The following ALOX15 variants were observed in gnomAD, a reference collection of about 807,000 sequenced individuals.
The protein encoded by ALOX15 is arachidonate 15-lipoxygenase, also known as polyunsaturated fatty acid lipoxygenase ALOX15.
In ALOX15, 68 loss-of-function variants were observed where a neutral mutation model predicts 71.7. The observed-to-expected ratio is 0.95, with a 90% CI of 0.78 to 1.16. The LOEUF (loss-of-function observed/expected upper bound fraction) is 1.16. ALOX15 is among the 50% of genes most tolerant of loss of function. The pLI, the probability that ALOX15 is intolerant of heterozygous loss-of-function variation, is 0.00. For synonymous variants in ALOX15, 346 were observed against 333.3 expected, an observed-to-expected ratio of 1.04 and a Z score of -0.42; for missense variants, 798 against 818.8, an observed-to-expected ratio of 0.97 and a Z score of 0.31.
intron 7 of ALOX15, 144 bp downstream of exon 7, chr17:4,636,971 T>C: frequency 2.0e-6 from 2 of 1,014,972 alleles, no homozygotes; most frequent in Non-Finnish European, 2.9e-6. Context: ...GGCCTTCGAA[T>C]AGAGACTTGG....
chr17:4,633,452 T>A lies in ALOX15; in HGVS notation c.1210A>T (p.Arg404Trp). 1 of 1,614,168 alleles carries A rather than the reference T, an allele frequency of 6.2e-7. No individual in the cohort carries two copies. The highest frequency in any genetic ancestry group is 1.1e-5 in the South Asian group (1 of 91,082). ...CCCATGTCAGAGACCAGCCCAGTCC[T>A]GGCCCGGACGTTAATTTCCAGGGTG... ...RYTLEINVRA[R>W]TGLVSDMGIF... The change falls in exon 9 of 14, where the codon AGG becomes TGG. Residue 404 changes from arginine to tryptophan, a missense_variant. Arg to Trp is a moderately radical substitution (Grantham distance 101). Coordinates refer to ENST00000293761, the MANE Select transcript of ALOX15 (RefSeq NM_001140.5).
intron 1 of ALOX15, among the ~76,000 whole-genome samples, chr17:4,641,171 A>G (rs11568077): frequency 0.025 from 3,816 of 151,396 alleles, 193 homozygotes; most frequent in African/African-American, 0.087. Flanking sequence ...CAACAGCGCT[A>G]GCGGTTGAAA....
At chr17:4,640,208 G>C (rs1479283741) in intron 1 of ALOX15, among the ~76,000 whole-genome samples, 1 of 130,232 alleles carries the variant, frequency 7.7e-6, no homozygotes, top group Non-Finnish European at 1.6e-5. Context: ...GGCTCTCGAA[G>C]GTGGCGCCAG....
chr17:4,641,030 C>T (rs1309471931), intron 1 of ALOX15, among the ~76,000 whole-genome samples: 1 of 150,668 alleles, frequency 6.6e-6, no homozygotes, highest in African/African-American at 2.4e-5. Flanking sequence ...GTAGAACACC[C>T]GGTAGATGTG....
Position 4,639,429 on chromosome 17 carries a change from C to T in ALOX15, c.337+1G>A. On this transcript the variant is annotated splice_donor_variant, in intron 2 of 13. Transcript: ENST00000293761. LOFTEE classifies it high-confidence loss of function. ...CCTGACACCCTCAGCCCCGCGCTTA[C>T]CGGTGCCTTCAGGCAGGCTCAGGAC... 6.2e-7 allele frequency: 1 copy of T among 1,613,430 alleles called. No homozygotes were observed.
At chr17:4,635,700 C>T (rs778250498) in intron 8 of ALOX15, 59 bp downstream of exon 8, 9 of 1,563,430 alleles carry the variant, frequency 5.8e-6, no homozygotes, top group South Asian at 3.4e-5. Flanking sequence ...CTCCAGAGGT[C>T]GGAACGTGCC....
intron 1 of ALOX15, 74 bp downstream of exon 1, chr17:4,641,443 G>T (rs1033890506): frequency 1.0e-5 from 16 of 1,548,606 alleles, no homozygotes; most frequent in East Asian, 4.5e-5. Context: ...CAACGGGGGC[G>T]CATGTCCTCC....
chr17:4,641,520 G>A lies in ALOX15; in HGVS notation c.132C>T (p.Gly44=), dbSNP rs376057911. 2 of 1,612,636 alleles carry A rather than the reference G, an allele frequency of 1.2e-6. No homozygotes were observed. The highest frequency in any genetic ancestry group is 1.3e-5 in the African/African-American group (1 of 74,940). The change falls in exon 1 of 14, where the codon GGC becomes GGT. Residue 44 remains glycine, a synonymous_variant. Transcript: ENST00000293761. ...CGCCCGGCTCTGGGGAGCTCACCTT[G>A]CCCCGTGCGGGCCACAGTCGCTTCC... is the stretch of plus-strand genomic sequence containing the variant. ...ALGKRLWPAR[G]KETELKVEVP... is the part of the protein sequence containing the mutation.
chr17:4,631,539 A>G lies in ALOX15; in HGVS notation c.*61T>C, dbSNP rs916055. 526,640 of 1,587,468 alleles carry G rather than the reference A, an allele frequency of 0.33. 89,302 individuals carry two copies. Among genetic ancestry groups the G allele is most frequent in the Admixed American group, 0.41 (23,998 of 58,640 alleles). On this transcript the variant is annotated 3_prime_UTR_variant, in exon 14 of 14. Transcript: ENST00000293761. ...GACTTGGGAGGGCAGGGCTATAACC[A>G]CGAAGGGGTCAGCTTGTGGCTTGGG...
Position 4,631,529 on chromosome 17 carries a change from G to A in ALOX15, c.*71C>T. On this transcript the variant is annotated 3_prime_UTR_variant, in exon 14 of 14. Transcript: ENST00000293761. ...AAGAGGGTGGGACTTGGGAGGGCAG[G>A]GCTATAACCACGAAGGGGTCAGCTT... The A allele has an allele frequency of 1.9e-6, 3 of 1,567,182 alleles. No homozygotes were observed. The highest frequency in any genetic ancestry group is 2.6e-6 in the Non-Finnish European group (3 of 1,156,646).
In ALOX15 at chr17:4,633,840, C is replaced by T. The variant is rs534606755; in HGVS notation, c.1162-340G>A. On this transcript the variant is annotated intron_variant, in intron 8 of 13. Transcript: ENST00000293761. ...TGTGGTAGACATATGCTGTGGAATACTATGCAGCCATGAAGAAGAACAAGA... is the reference window on the plus strand; with the variant it reads ...TGTGGTAGACATATGCTGTGGAATATTATGCAGCCATGAAGAAGAACAAGA... Among the ~76,000 whole-genome samples, 6 of 152,318 alleles carry T rather than the reference C, an allele frequency of 3.9e-5. No individual in the cohort carries two copies. In the South Asian group the frequency reaches 1.2e-3, roughly 32 times the overall value.
intron 8 of ALOX15, among the ~76,000 whole-genome samples, chr17:4,634,568 A>C (rs1911026297): frequency 6.6e-6 from 1 of 150,454 alleles, no homozygotes; most frequent in East Asian, 1.9e-4. Flanking sequence ...TTTTTTCCTA[A>C]TCTCACTCCA....
rs150908337 is a variant in ALOX15 at position 4,635,988 on chromosome 17, G to T, written c.952-20C>A. On this transcript the variant is annotated intron_variant, in intron 7 of 13. Coordinates refer to ENST00000293761, the MANE Select transcript of ALOX15 (RefSeq NM_001140.5). ...CTGGAGCTGGAGCAGGGACAAGTGT[G>T]GGGAGAGAAGGCATGAGTGCCAGGC... 1 of 1,610,848 alleles carries T rather than the reference G, an allele frequency of 6.2e-7. No homozygotes were observed.
Position 4,631,340 on chromosome 17 carries a change from T to G in ALOX15, c.*260A>C. ...TTTATATAATTGTGGCTATTTGCCA[T>G]ATAGATCTGAATGAAGAAAGAGGAA... On this transcript the variant is annotated 3_prime_UTR_variant, in exon 14 of 14. Transcript: ENST00000293761. The G allele has an allele frequency of 3.9e-6, 2 of 516,520 alleles. No individual in the cohort carries two copies. Among genetic ancestry groups the G allele is most frequent in the Admixed American group, 3.4e-5 (1 of 29,194 alleles). The allele number at this position is 516,520 out of a possible 1,614,324, so 32.0% of individuals were successfully genotyped here.
Position 4,638,987 on chromosome 17 carries a change from G to T in ALOX15, c.420-15C>A. ...AGTTTCCCCACCTGTGGGGCAGGAA[G>T]GAAATCAAGTATGGGTGCTGGAAGC... On this transcript the variant is annotated splice_polypyrimidine_tract_variant and intron_variant, in intron 3 of 13. Transcript: ENST00000293761. 6.2e-7 allele frequency: 1 copy of T among 1,614,218 alleles called. No individual in the cohort carries two copies. The highest frequency in any genetic ancestry group is 8.5e-7 in the Non-Finnish European group (1 of 1,180,040).
Position 4,641,632 on chromosome 17 carries a change from C to G in ALOX15, c.20G>C (p.Arg7Pro). The part of the protein sequence containing the change: MGLYRI[R>P]VSTGASLYAG... ...ATAGAGCGAGGCCCCAGTGGACACG[C>G]GGATGCGGTAGAGACCCATCTTGCT... Residue 7 changes from arginine to proline, a missense_variant, in exon 1 of 14, where the codon CGC (arginine) becomes CCC (proline). Physicochemically the swap from Arg to Pro is moderately radical, Grantham distance 103 (BLOSUM62 -2). Transcript: ENST00000293761. 2.5e-6 allele frequency: 4 copies of G among 1,613,610 alleles called. No homozygotes were observed. The highest frequency in any genetic ancestry group is 1.1e-5 in the South Asian group (1 of 91,074).
chr17:4,634,900 C>A (rs571309768), intron 8 of ALOX15, among the ~76,000 whole-genome samples: 1 of 151,656 alleles, frequency 6.6e-6, no homozygotes, highest in African/African-American at 2.4e-5. Flanking sequence ...ATTGCTTGAA[C>A]CCAGGAGGCA....
chr17:4,632,679 G>A (rs1245993261), intron 11 of ALOX15, among the ~76,000 whole-genome samples, 182 bp downstream of exon 11: 2 of 152,218 alleles, frequency 1.3e-5, no homozygotes, highest in African/African-American at 4.8e-5. Context: ...CTGGCACCTA[G>A]AGGTTCTCAG....
In ALOX15 at chr17:4,638,621, G is replaced by A. The variant is rs145861416; in HGVS notation, c.606C>T (p.Asp202=). The A allele has an allele frequency of 1.3e-5, 21 of 1,614,062 alleles. No individual in the cohort carries two copies. The highest frequency in any genetic ancestry group is 2.7e-5 in the African/African-American group (2 of 74,924). The part of the protein sequence containing the change: ...NVLTCWKDLD[D]FNRIFWCGQS... ...GACCACACCAGAAAATCCGGTTGAA[G>A]TCATCTAGATCCTTCCAGCAAGTCA... The change falls in exon 5 of 14, where the codon GAC becomes GAT. Residue 202 remains aspartate (D), a synonymous_variant. Coordinates refer to ENST00000293761, the MANE Select transcript of ALOX15 (RefSeq NM_001140.5).
Sources: gnomAD v4.1 joint callset for allele counts (sites outside exome capture counted in the v4.1 genomes callset) on GRCh38, gnomAD v4.1.1 for gene constraint, MANE v1.5 for transcripts, NCBI Gene and HGNC (gene_info 2026-07-23, HGNC 2026-07-21) for gene names.